Variants in PCDHA12 observed in about 807,000 individuals in gnomAD.
The protein encoded by PCDHA12 is protocadherin alpha-12.
A neutral mutation model predicts 60.0 loss-of-function variants in PCDHA12; 44 were observed. The observed-to-expected ratio is 0.73, with a 90% confidence interval of 0.58 to 0.94. The LOEUF is 0.94. PCDHA12 is among the 40% of genes least tolerant of loss of function. The pLI, the probability that PCDHA12 is intolerant of heterozygous loss-of-function variation, is 0.00. For missense variants in PCDHA12, 1,276 were observed against 1,239.7 expected (o/e 1.03, Z -0.44); for synonymous variants, 569 against 553.0 (o/e 1.03, Z -0.40).
rs782266115 is a variant in PCDHA12 at position 140,875,640 on chromosome 5, G to A, written c.168G>A (p.Leu56=). Residue 56 remains leucine (L), a synonymous_variant, in exon 1 of 4, where the codon CTG becomes CTA. Transcript: ENST00000398631. ...TCGCTCAGGACCTGGGGCTGGAGCT[G>A]GCGGAGCTGGTGCCGCGCCTGTTCC... ...GRIAQDLGLE[L]AELVPRLFRV... 2.5e-6 allele frequency: 4 copies of A among 1,613,688 alleles called. No individual in the cohort carries two copies. Among genetic ancestry groups the A allele is most frequent in the Non-Finnish European group, 3.4e-6 (4 of 1,180,002 alleles).
intron 1 of PCDHA12, among the ~76,000 whole-genome samples, chr5:140,972,662 T>A (rs1188844189): frequency 1.5e-4 from 8 of 54,766 alleles, no homozygotes; most frequent in African/African-American, 8.1e-4. Context: ...GAAACCAAAT[T>A]TTTTTTTTTT....
intron 1 of PCDHA12, chr5:140,882,051 A>T: frequency 1.3e-6 from 1 of 757,670 alleles, no homozygotes; most frequent in Non-Finnish European, 2.0e-6. Flanking sequence ...AGTCATACTT[A>T]CACTTACACG....
rs782547925 is a variant in PCDHA12, at chr5:140,967,973, G to A, written c.2368-10976G>A. 4 of 1,614,170 alleles carry A rather than the reference G, an allele frequency of 2.5e-6. No individual in the cohort carries two copies. In the African/African-American group the frequency reaches 4.0e-5, roughly 16 times the overall value. On this transcript the variant is annotated intron_variant, in intron 1 of 3. Coordinates refer to ENST00000398631, the MANE Select transcript of PCDHA12 (RefSeq NM_018903.4). ...AGGCCCCAACCGGAAAGTGAGCCTG[G>A]GTCTGGAGGCCACACTGCCTTTCCG... is the stretch of plus-strand genomic sequence containing the variant.
At chr5:140,999,263 A>G (rs566864160) in intron 3 of PCDHA12, among the ~76,000 whole-genome samples, 3 of 152,346 alleles carry the variant, frequency 2.0e-5, no homozygotes, top group East Asian at 1.9e-4. Context: ...TAGTAAAGGA[A>G]TACTGCATAG....
At chr5:140,986,524 G>GAACT (rs1403082336) in intron 3 of PCDHA12, among the ~76,000 whole-genome samples, 2 of 152,198 alleles carry the variant, frequency 1.3e-5, no homozygotes, top group Non-Finnish European at 2.9e-5. Flanking sequence ...GCCTGTGAGG[G>GAACT]AACTGGCCTG....
At chr5:140,937,500 C>T (rs2091549219) in intron 1 of PCDHA12, among the ~76,000 whole-genome samples, 1 of 152,024 alleles carries the variant, frequency 6.6e-6, no homozygotes, top group Admixed American at 6.6e-5. Context: ...ACCCGTAATC[C>T]CAGCTACTCA....
chr5:140,905,643 A>G (rs532700036), intron 1 of PCDHA12, among the ~76,000 whole-genome samples: 1 of 152,306 alleles, frequency 6.6e-6, no homozygotes, highest in Non-Finnish European at 1.5e-5. Context: ...TCAGTTTCAC[A>G]GTATTGATTC....
At chr5:140,962,169 C>T (rs2095662298) in intron 1 of PCDHA12, among the ~76,000 whole-genome samples, 1 of 152,152 alleles carries the variant, frequency 6.6e-6, no homozygotes, top group Non-Finnish European at 1.5e-5. Flanking sequence ...GCCACCACAC[C>T]CGGCCACTTA....
At chr5:140,919,050 G>T (rs2153552038) in intron 1 of PCDHA12, among the ~76,000 whole-genome samples, 1 of 152,302 alleles carries the variant, frequency 6.6e-6, no homozygotes, top group Admixed American at 6.5e-5. Context: ...ATTATTGGAA[G>T]TGGAGTATTA....
chr5:140,968,932 A>G, intron 1 of PCDHA12: 3 of 1,614,164 alleles, frequency 1.9e-6, no homozygotes, highest in Non-Finnish European at 2.5e-6. Flanking sequence ...TTCTTTTGAC[A>G]ATCATCATTT....
At chr5:140,900,920 T>C (rs539511607) in intron 1 of PCDHA12, among the ~76,000 whole-genome samples, 1 of 152,322 alleles carries the variant, frequency 6.6e-6, no homozygotes, top group South Asian at 2.1e-4. Context: ...TAAGATGATA[T>C]CTCATTGTAG....
rs782068706 is a variant in PCDHA12 at position 140,876,650 on chromosome 5, T to C, written c.1178T>C (p.Val393Ala). Reference sequence around the variant, plus strand: ...GTCATCTGCTCACTGACACCTCATGTTCCCTTCAAGCTGGTGTCCACCTAC... The same window carrying C: ...GTCATCTGCTCACTGACACCTCATGCTCCCTTCAAGCTGGTGTCCACCTAC... Reference protein sequence around the residue: ...GQVICSLTPHVPFKLVSTYKN... With the variant: ...GQVICSLTPHAPFKLVSTYKN... The change falls in exon 1 of 4, where the codon GTT (valine) becomes GCT (alanine). Residue 393 changes from valine to alanine, a missense_variant. Val to Ala is a moderately conservative substitution (Grantham distance 64, BLOSUM62 0). Coordinates refer to ENST00000398631, the MANE Select transcript of PCDHA12 (RefSeq NM_018903.4). 3.1e-6 allele frequency: 5 copies of C among 1,614,162 alleles called. No individual in the cohort carries two copies. Among genetic ancestry groups the C allele is most frequent in the South Asian group, 2.2e-5 (2 of 91,086 alleles).
At chr5:140,920,841 TAAA>T (rs781921146) in intron 1 of PCDHA12, among the ~76,000 whole-genome samples, 2 of 109,226 alleles carry the variant, frequency 1.8e-5, no homozygotes, top group Non-Finnish European at 3.9e-5. Context: ...AGACCAAATC[TAAA>T]AAAAAAAAAA....
chr5:140,998,781 C>G (rs1554256464), intron 3 of PCDHA12, among the ~76,000 whole-genome samples: 1 of 152,162 alleles, frequency 6.6e-6, no homozygotes, highest in East Asian at 1.9e-4. Context: ...TCAGGCTGGT[C>G]TGGAACCCCT....
chr5:140,917,491 C>G (rs2078223929), intron 1 of PCDHA12, among the ~76,000 whole-genome samples: 1 of 152,172 alleles, frequency 6.6e-6, no homozygotes, highest in Non-Finnish European at 1.5e-5. Flanking sequence ...GGGCCTATGC[C>G]CAGAATGATA....
At chr5:140,920,425 C>T (rs1444166830) in intron 1 of PCDHA12, among the ~76,000 whole-genome samples, 1 of 151,960 alleles carries the variant, frequency 6.6e-6, no homozygotes, top group Non-Finnish European at 1.5e-5. Flanking sequence ...GCTGTTCTCC[C>T]ACACACCTCT....
chr5:140,900,518 C>G (rs1444768233), intron 1 of PCDHA12, among the ~76,000 whole-genome samples: 1 of 152,228 alleles, frequency 6.6e-6, no homozygotes, highest in Admixed American at 6.5e-5. Flanking sequence ...CTCAGGTGAT[C>G]TGCCCACCTC....
chr5:140,914,944 CTTTTT>C (rs35695909), intron 1 of PCDHA12, among the ~76,000 whole-genome samples: 1 of 128,266 alleles, frequency 7.8e-6, no homozygotes, highest in Non-Finnish European at 1.7e-5. Context: ...GAAAAGTTGT[CTTTTT>C]TTTTTTTTTT....
chr5:140,881,383 G>T (rs2058695337), intron 1 of PCDHA12: 1 of 984,212 alleles, frequency 1.0e-6, no homozygotes, highest in Non-Finnish European at 1.2e-6. Context: ...AGCCGGCGGC[G>T]GTAAGTTAAA....
Sources: allele counts gnomAD v4.1 joint callset (sites outside exome capture counted in the v4.1 genomes callset), GRCh38; gene constraint gnomAD v4.1.1; transcripts MANE v1.5; gene names NCBI Gene and HGNC (gene_info 2026-07-23, HGNC 2026-07-21).